The following PLA2R1 variants were observed in gnomAD, a reference collection of about 807,000 sequenced individuals.
The protein encoded by PLA2R1 is secretory phospholipase A2 receptor.
PLA2R1 carries 158 observed loss-of-function variants against 195.9 expected under a neutral mutation model. That is an observed-to-expected ratio of 0.81 (90% CI 0.71 to 0.92). PLA2R1 has a LOEUF of 0.92. Among genes scored for constraint, PLA2R1 ranks in the 40% least tolerant of loss-of-function variants. PLA2R1 has a pLI of 0.00. For missense variants in PLA2R1, 1,626 were observed against 1,764.6 expected, an observed-to-expected ratio of 0.92 and a Z score of 1.41; for synonymous variants, 586 against 598.2, an observed-to-expected ratio of 0.98 and a Z score of 0.30.
At chr2:159,962,208 T>A (rs1574677059) in intron 20 of PLA2R1, among the ~76,000 whole-genome samples, 2 of 151,898 alleles carry the variant, frequency 1.3e-5, no homozygotes, top group South Asian at 4.1e-4. Flanking sequence ...AACAACCCCA[T>A]CAAAAAGTGG....
chr2:159,948,951 GCT>G (rs1366945014), intron 25 of PLA2R1, among the ~76,000 whole-genome samples: 1 of 152,154 alleles, frequency 6.6e-6, no homozygotes. Flanking sequence ...ACTATTTAAT[GCT>G]CTGAGTTTAC....
In PLA2R1 at chr2:159,941,810, G is replaced by C; in HGVS notation, c.4360C>G (p.Leu1454Val). ...FSTVYLEENI[L>V]ISDLEKSDQ ...TCACTCTTCTCAAGATCAGAAATGA[G>C]AATATTTTCTTCTAAATATACTGTA... The change falls in exon 30 of 30, where the codon CTC becomes GTC. Residue 1454 changes from leucine (L) to valine (V), a missense_variant. Leu to Val is a conservative substitution (Grantham distance 32). Coordinates refer to ENST00000283243, the MANE Select transcript of PLA2R1 (RefSeq NM_007366.5). The C allele has an allele frequency of 1.2e-6, 2 of 1,606,938 alleles. No individual in the cohort carries two copies. The highest frequency in any genetic ancestry group is 1.7e-4 in the Middle Eastern group (1 of 6,046).
At chr2:159,947,795 G>T (rs1414178508) in intron 25 of PLA2R1, among the ~76,000 whole-genome samples, 2 of 152,122 alleles carry the variant, frequency 1.3e-5, no homozygotes, top group Non-Finnish European at 2.9e-5. Context: ...GCACAGCTTT[G>T]TAGGCTTAGT....
rs1021637374 is a variant in PLA2R1 at position 159,941,153 on chromosome 2, AT to A, written c.*624del. On this transcript the variant is annotated 3_prime_UTR_variant, in exon 30 of 30. Coordinates refer to ENST00000283243, the MANE Select transcript of PLA2R1 (RefSeq NM_007366.5). The stretch of plus-strand genomic sequence containing the variant: ...AGGTCTTTGCCATTTAAAAGAAGGT[AT>A]TTTTCTTTCTCCTTTAGCTTGAGAT... The A allele has an allele frequency of 6.6e-6, 1 of 152,138 alleles. No homozygotes were observed. The highest frequency in any genetic ancestry group is 2.4e-5 in the African/African-American group (1 of 41,442). 9.4% of individuals were successfully genotyped at this position (152,138 alleles called of 1,614,324 possible).
At chr2:160,040,751 G>T (rs142509724) in intron 3 of PLA2R1, among the ~76,000 whole-genome samples, 121 of 152,300 alleles carry the variant, frequency 7.9e-4, no homozygotes, top group African/African-American at 2.7e-3. Flanking sequence ...ATAGCTTAGT[G>T]CTTGTTGACT....
chr2:160,052,040 T>TAG (rs1177070098), intron 1 of PLA2R1, among the ~76,000 whole-genome samples: 1 of 152,206 alleles, frequency 6.6e-6, no homozygotes, highest in Non-Finnish European at 1.5e-5. Flanking sequence ...CCTTAACTCT[T>TAG]AGCCTTCTTT....
chr2:159,936,013 G>T lies in PLA2R1; in HGVS notation c.*5765C>A, dbSNP rs1347074619. ...GTCGCCCAGGCTGGAGTGCAGTGGC[G>T]CCATCTCGGCTCACTGTAAGCTCCG... On this transcript the variant is annotated 3_prime_UTR_variant, in exon 30 of 30. Coordinates refer to ENST00000283243, the MANE Select transcript of PLA2R1 (RefSeq NM_007366.5). 7.3e-6 allele frequency: 1 copy of T among 137,864 alleles called. No homozygotes were observed. Among genetic ancestry groups the T allele is most frequent in the South Asian group, 2.5e-4 (1 of 4,080 alleles). 8.5% of individuals were successfully genotyped at this position (137,864 alleles called of 1,614,324 possible).
chr2:160,004,572 C>T (rs10166180), intron 11 of PLA2R1, among the ~76,000 whole-genome samples: 1 of 152,194 alleles, frequency 6.6e-6, no homozygotes, highest in East Asian at 1.9e-4. Flanking sequence ...ATAAAGAGCT[C>T]CGGGCCTTCA....
At chr2:159,973,287 ATTATGCAGAAATAAGAAT>A in intron 17 of PLA2R1, among the ~76,000 whole-genome samples, 1 of 152,268 alleles carries the variant, frequency 6.6e-6, no homozygotes, top group East Asian at 1.9e-4. Flanking sequence ...GTAGGCACAA[ATTATGCAGAAATAAGAAT>A]TTTTTGGAAA....
intron 9 of PLA2R1, among the ~76,000 whole-genome samples, chr2:160,015,364 A>G (rs1692661414): frequency 6.6e-6 from 1 of 152,214 alleles, no homozygotes; most frequent in South Asian, 2.1e-4. Flanking sequence ...AAAAGAGAAA[A>G]CTTTCAAAAC....
the PLA2R1 span, among the ~76,000 whole-genome samples, chr2:159,924,284 A>G: frequency 6.6e-6 from 1 of 152,214 alleles, no homozygotes; most frequent in Admixed American, 6.5e-5. Flanking sequence ...CCTCATCTCA[A>G]CATCCTTAAC....
chr2:159,976,640 T>C (rs1239073753), intron 16 of PLA2R1, 45 bp downstream of exon 16: 2 of 1,189,940 alleles, frequency 1.7e-6, no homozygotes, highest in African/African-American at 1.5e-5. Context: ...TTATATGGTA[T>C]ATATTAATAA....
At chr2:160,056,742 G>C (rs1310941757) in intron 1 of PLA2R1, among the ~76,000 whole-genome samples, 1 of 152,096 alleles carries the variant, frequency 6.6e-6, no homozygotes, top group Non-Finnish European at 1.5e-5. Context: ...AAGGTGATAG[G>C]AGACCCTCTT....
rs140078253 is a variant in PLA2R1 at position 159,935,078 on chromosome 2, G to C, written c.*6700C>G. 8 of 152,252 alleles carry C rather than the reference G, an allele frequency of 5.3e-5. No homozygotes were observed. The East Asian group carries it at 1.5e-3, about 29-fold the overall frequency. 9.4% of individuals were successfully genotyped at this position (152,252 alleles called of 1,614,324 possible). A position where few individuals can be genotyped will look rare whatever the true frequency, so the allele number is the denominator to read the frequency against. ...TTGTCTAATGTTTTTTCATGATTGAGATTATGCATTTTGGGGAGGATACCA... is the reference window on the plus strand; with the variant it reads ...TTGTCTAATGTTTTTTCATGATTGACATTATGCATTTTGGGGAGGATACCA... On this transcript the variant is annotated 3_prime_UTR_variant, in exon 30 of 30. Transcript: ENST00000283243.
intron 7 of PLA2R1, among the ~76,000 whole-genome samples, chr2:160,022,307 T>G (rs1048967961): frequency 6.6e-6 from 1 of 151,932 alleles, no homozygotes; most frequent in Non-Finnish European, 1.5e-5. Flanking sequence ...GCCTAAGGGG[T>G]TCCCTTTATT....
intron 20 of PLA2R1, among the ~76,000 whole-genome samples, chr2:159,959,825 G>T (rs1688322404): frequency 6.6e-6 from 1 of 151,934 alleles, no homozygotes; most frequent in Non-Finnish European, 1.5e-5. Context: ...TTCCCAAAAA[G>T]CCCCCTCACC....
At chr2:159,989,167 G>A (rs1367948787) in intron 11 of PLA2R1, among the ~76,000 whole-genome samples, 3 of 152,212 alleles carry the variant, frequency 2.0e-5, no homozygotes, top group African/African-American at 7.2e-5. Context: ...AGAACAGCTA[G>A]CTGGTGTTAA....
rs375251588 is a variant in PLA2R1, at chr2:159,981,379, T to C, written c.2184-1465A>G. 3.3e-5 allele frequency among the ~76,000 whole-genome samples: 5 copies of C among 152,256 alleles called. 1 individual carries two copies. Among genetic ancestry groups the C allele is most frequent in the African/African-American group, 1.2e-4 (5 of 41,552 alleles). Reference sequence around the variant, plus strand: ...GATTTGACTGAATTCTCTGGTAGTCTGGGAATAAACTGAAACATACACAGT... The same window carrying C: ...GATTTGACTGAATTCTCTGGTAGTCCGGGAATAAACTGAAACATACACAGT... On this transcript the variant is annotated intron_variant, in intron 13 of 29. Transcript: ENST00000283243.
chr2:160,027,084 C>G (rs905612640), intron 6 of PLA2R1, among the ~76,000 whole-genome samples: 5 of 152,164 alleles, frequency 3.3e-5, no homozygotes, highest in Admixed American at 2.0e-4. Context: ...GAGCCAAGAT[C>G]GTGCCATTGC....
Sources: gnomAD v4.1 joint callset for allele counts (sites outside exome capture counted in the v4.1 genomes callset) on GRCh38, gnomAD v4.1.1 for gene constraint, MANE v1.5 for transcripts, NCBI Gene and HGNC (gene_info 2026-07-23, HGNC 2026-07-21) for gene names.